The following ARHGEF6 variants were observed in gnomAD, a reference collection of about 807,000 sequenced individuals.
The protein encoded by ARHGEF6 is rho guanine nucleotide exchange factor 6.
In ARHGEF6, 9 loss-of-function variants were observed where a neutral mutation model predicts 70.3. The ratio of observed to expected loss-of-function variants is 0.13; its 90% CI spans 0.08 to 0.22. The LOEUF is 0.22. Among genes scored for constraint, ARHGEF6 ranks in the 10% least tolerant of loss-of-function variants. The pLI is 1.00. For synonymous variants in ARHGEF6, 201 were observed against 207.8 expected (o/e 0.97, Z 0.28); for missense variants, 470 against 563.0 (o/e 0.83, Z 1.67).
intron 6 of ARHGEF6, among the ~76,000 whole-genome samples, chrX:136,724,842 T>C (rs141487688): frequency 7.1e-5 from 8 of 112,157 alleles, no homozygotes; most frequent in East Asian, 2.8e-4. Flanking sequence ...CCCTGAATTA[T>C]AGTATCTGTT....
At chrX:136,732,222 A>T (rs762172826) in intron 5 of ARHGEF6, 50 bp from the exon 6 acceptor site, 1 of 901,029 alleles carries the variant, frequency 1.1e-6, no homozygotes, top group Non-Finnish European at 1.6e-6. Context: ...GGCTATGATG[A>T]ACATTTTATA....
At chrX:136,680,687 C>A (rs746894393) in intron 15 of ARHGEF6, 44 bp downstream of exon 15, 1 of 1,202,437 alleles carries the variant, frequency 8.3e-7, no homozygotes, top group Admixed American at 2.2e-5. Context: ...CAGGAGTTGA[C>A]GAAAGACTCA....
At chrX:136,720,886 T>A (rs1253738159) in intron 6 of ARHGEF6, among the ~76,000 whole-genome samples, 1 of 111,830 alleles carries the variant, frequency 8.9e-6, no homozygotes, top group African/African-American at 3.2e-5. Context: ...AAAAAAATAA[T>A]ATTTAGATTA....
At chrX:136,776,541 C>T (rs770943577) in intron 2 of ARHGEF6, among the ~76,000 whole-genome samples, 5 of 111,578 alleles carry the variant, frequency 4.5e-5, no homozygotes, top group Non-Finnish European at 7.5e-5. Context: ...TCATCTCTCA[C>T]CTCTCTACAA....
chrX:136,778,974 T>G (rs2148691967), intron 2 of ARHGEF6, among the ~76,000 whole-genome samples: 1 of 112,143 alleles, frequency 8.9e-6, no homozygotes, highest in East Asian at 2.8e-4. Flanking sequence ...CTATACAATT[T>G]CTACCTCAAA....
At chrX:136,686,711 T>TATATATATATATACACATATATATATAC in intron 11 of ARHGEF6, among the ~76,000 whole-genome samples, 1 of 9,566 alleles carries the variant, frequency 1.0e-4, no homozygotes, top group Non-Finnish European at 2.3e-4. Context: ...TATATATACA[T>TATATATATATATACACATATATATATAC]ATATATATAT....
rs1419199441 is a variant in ARHGEF6 at position 136,681,894 on chromosome X, G to A, written c.1554C>T (p.Ile518=). The change falls in exon 14 of 22, where the codon ATC becomes ATT. Residue 518 remains isoleucine (I), a synonymous_variant. Transcript: ENST00000250617. ...GAAAAAGAGAAAATTACCTACCAGT[G>A]ATTTCAAATGTGCAGTCATTCCCTT... ...EIEGNDCTFE[I]TGNTVERIVV... 2.5e-6 allele frequency: 3 copies of A among 1,202,329 alleles called. No individual in the cohort carries two copies.
intron 5 of ARHGEF6, 73 bp from the exon 6 acceptor site, chrX:136,732,245 T>A: frequency 1.3e-6 from 1 of 763,832 alleles, no homozygotes; most frequent in Non-Finnish European, 2.0e-6. Context: ...ATGGGTCAAC[T>A]AACATACTAT....
chrX:136,757,175 T>C (rs2077215077), intron 2 of ARHGEF6, among the ~76,000 whole-genome samples: 2 of 112,639 alleles, frequency 1.8e-5, no homozygotes, highest in Non-Finnish European at 3.8e-5. Context: ...AAGGCCAGCC[T>C]GGCCAACATG....
chrX:136,671,853 T>C (rs2076228051), intron 20 of ARHGEF6, among the ~76,000 whole-genome samples, 167 bp downstream of exon 20: 1 of 111,844 alleles, frequency 8.9e-6, no homozygotes, highest in Non-Finnish European at 1.9e-5. Context: ...CATTTGTTAG[T>C]GGGCAGCCCT....
At chrX:136,684,863 C>A (rs1458336642) in intron 12 of ARHGEF6, among the ~76,000 whole-genome samples, 3 of 111,984 alleles carry the variant, frequency 2.7e-5, no homozygotes, top group Non-Finnish European at 5.6e-5. Flanking sequence ...TCCCAGCTGG[C>A]CTTTCTGCTT....
At chrX:136,733,789 T>C (rs2076959528) in intron 5 of ARHGEF6, among the ~76,000 whole-genome samples, 1 of 112,256 alleles carries the variant, frequency 8.9e-6, no homozygotes, top group South Asian at 3.7e-4. Context: ...AGCTAGGAAA[T>C]GGCAGAGCCA....
rs188559833 is a variant in ARHGEF6 at position 136,720,852 on chromosome X, T to C, written c.733-7482A>G. ...CAAATGTCAATCATTTTCCTTTATA[T>C]CAGCAATAAACAAAATCTGAAACAA... On this transcript the variant is annotated intron_variant, in intron 6 of 21. Transcript: ENST00000250617. Among the ~76,000 whole-genome samples, 335 of 111,697 alleles carry C rather than the reference T, an allele frequency of 3.0e-3. 1 individual carries two copies. The highest frequency in any genetic ancestry group is 0.01 in the African/African-American group (320 of 30,600).
chrX:136,726,393 T>C (rs1022391510), intron 6 of ARHGEF6, among the ~76,000 whole-genome samples: 6 of 110,917 alleles, frequency 5.4e-5, no homozygotes, highest in Non-Finnish European at 1.1e-4. Flanking sequence ...AGGAGTAAGA[T>C]GGGAAGAGGG....
Position 136,668,061 on chromosome X carries a change from C to T in ARHGEF6, c.2299G>A (p.Glu767Lys), listed in dbSNP as rs565928900. The T allele has an allele frequency of 1.7e-5, 21 of 1,210,226 alleles. No homozygotes were observed. Among genetic ancestry groups the T allele is most frequent in the African/African-American group, 5.2e-5 (3 of 57,205 alleles). The change falls in exon 22 of 22, where the codon GAG becomes AAG. Residue 767 changes from glutamate to lysine, a missense_variant. Physicochemically the swap from Glu to Lys is moderately conservative, Grantham distance 56 (BLOSUM62 1). This residue lies in a region of ARHGEF6 where 88 missense variants were observed against 95.5 expected (regional missense o/e 0.92). Coordinates refer to ENST00000250617, the MANE Select transcript of ARHGEF6 (RefSeq NM_004840.3). ...AGAATTGAGGTCTTGCTACTGGACTCGCCTCGAATACACTCATCTGTTTGC... is the reference window on the plus strand; with the variant it reads ...AGAATTGAGGTCTTGCTACTGGACTTGCCTCGAATACACTCATCTGTTTGC... The part of the protein sequence containing the change: ...LKQTDECIRG[E>K]SSSKTSILP
intron 9 of ARHGEF6, among the ~76,000 whole-genome samples, chrX:136,698,418 T>A (rs778596524): frequency 4.5e-5 from 5 of 111,392 alleles, no homozygotes; most frequent in Non-Finnish European, 7.5e-5. Flanking sequence ...AGAAGCTCAA[T>A]GAATTTCAAG....
At chrX:136,753,070 C>G (rs945425023) in intron 2 of ARHGEF6, among the ~76,000 whole-genome samples, 2 of 112,161 alleles carry the variant, frequency 1.8e-5, no homozygotes, top group Admixed American at 1.9e-4. Flanking sequence ...GTCACAAAGT[C>G]AGCAACAAAT....
chrX:136,677,787 A>C (rs969600528), intron 17 of ARHGEF6, 149 bp downstream of exon 17: 1 of 416,082 alleles, frequency 2.4e-6, no homozygotes, highest in African/African-American at 2.5e-5. Context: ...TTTTGAACAA[A>C]GTACTTACAT....
chrX:136,752,082 T>A (rs963868333), intron 2 of ARHGEF6, among the ~76,000 whole-genome samples: 1 of 111,588 alleles, frequency 9.0e-6, no homozygotes, highest in Non-Finnish European at 1.9e-5. Context: ...AGAGAAAAAA[T>A]GAAAAAGCAA....
Sources: gnomAD v4.1 joint callset for allele counts (sites outside exome capture counted in the v4.1 genomes callset) on GRCh38, gnomAD v4.1.1 for gene constraint, gnomAD v4.1.1 regional missense constraint, MANE v1.5 for transcripts, NCBI Gene and HGNC (gene_info 2026-07-23, HGNC 2026-07-21) for gene names.